CA12: variants seen among roughly 807,000 people sequenced by gnomAD.
The protein encoded by CA12 is carbonate dehydratase XII.
A neutral mutation model predicts 46.8 loss-of-function variants in CA12; 36 were observed. The observed-to-expected ratio is 0.77, with a 90% confidence interval of 0.59 to 1.02. CA12 has a LOEUF of 1.02. Among genes scored for constraint, CA12 ranks in the 50% least tolerant of loss-of-function variants. The probability of loss-of-function intolerance (pLI) is 0.00; values close to 1 mark genes in which losing one functional copy is unlikely to be tolerated. For synonymous variants in CA12, 202 were observed against 187.0 expected (o/e 1.08, Z -0.65); for missense variants, 436 against 451.4 (o/e 0.97, Z 0.31).
rs780769662 is a variant in CA12 at position 63,346,640 on chromosome 15, T to G, written c.176A>C (p.Asp59Ala). ...ATACTGGAGGATGTCACTGTGCAGGTCTATGGGGGACTGCAGCAGGCCCCC... is the reference window on the plus strand; with the variant it reads ...ATACTGGAGGATGTCACTGTGCAGGGCTATGGGGGACTGCAGCAGGCCCCC... ...SCGGLLQSPI[D>A]LHSDILQYDA... The change falls in exon 3 of 11, where the codon GAC becomes GCC. Residue 59 changes from aspartate (D) to alanine (A), a missense_variant. Transcript: ENST00000178638. The G allele has an allele frequency of 9.3e-6, 15 of 1,613,928 alleles. No individual in the cohort carries two copies. The highest frequency in any genetic ancestry group is 1.2e-5 in the Non-Finnish European group (14 of 1,179,934).
Position 63,328,126 on chromosome 15 carries a change from T to C in CA12, c.879A>G (p.Gln293=). The C allele has an allele frequency of 6.2e-7, 1 of 1,613,956 alleles. No homozygotes were observed. The highest frequency in any genetic ancestry group is 8.5e-7 in the Non-Finnish European group (1 of 1,179,930). Residue 293 remains glutamine, a synonymous_variant, in exon 9 of 11, where the codon CAA becomes CAG. Transcript: ENST00000178638. The surrounding 1 kb of genome is among the most constrained non-coding windows in gnomAD (Gnocchi z 5.9). The part of the protein sequence containing the change: ...RLVYTSFSQV[Q]VCTAAGLSLG... ...GACTCAGTCCTGCCGCAGTACAGAC[T>C]TGCACTTAAAAGGGGAGAGGAAAAG... is the stretch of plus-strand genomic sequence containing the variant.
At chr15:63,332,246 A>G (rs994501857) in intron 8 of CA12, among the ~76,000 whole-genome samples, 1 of 152,242 alleles carries the variant, frequency 6.6e-6, no homozygotes, top group Admixed American at 6.5e-5. Flanking sequence ...TGCCCTCACC[A>G]CAGAGTGGAG....
At chr15:63,364,548 G>T (rs774156724) in intron 2 of CA12, among the ~76,000 whole-genome samples, 2 of 152,100 alleles carry the variant, frequency 1.3e-5, no homozygotes, top group Non-Finnish European at 2.9e-5. Flanking sequence ...ACACAAATAC[G>T]CAGATGAACA....
At chr15:63,350,220 G>A (rs1278434470) in intron 2 of CA12, among the ~76,000 whole-genome samples, 1 of 152,170 alleles carries the variant, frequency 6.6e-6, no homozygotes, top group Non-Finnish European at 1.5e-5. Flanking sequence ...GTGCCATGAG[G>A]GTGGGCACCG....
At chr15:63,370,959 T>C (rs1412904447) in intron 2 of CA12, among the ~76,000 whole-genome samples, 2 of 152,094 alleles carry the variant, frequency 1.3e-5, no homozygotes, top group African/African-American at 4.8e-5. Flanking sequence ...GTCTATTAAT[T>C]GCAGGTGCTC....
intron 3 of CA12, 89 bp downstream of exon 3, chr15:63,346,441 A>C: frequency 1.6e-6 from 1 of 640,804 alleles, no homozygotes; most frequent in Non-Finnish European, 2.6e-6. Flanking sequence ...GCTTCCACGG[A>C]ACACCTCCCT....
At chr15:63,367,347 C>G (rs1195998470) in intron 2 of CA12, among the ~76,000 whole-genome samples, 1 of 152,226 alleles carries the variant, frequency 6.6e-6, no homozygotes, top group East Asian at 1.9e-4. Context: ...CTGCCTCATA[C>G]TTGCTTCAAA....
chr15:63,376,548 T>C (rs936275602), intron 1 of CA12, among the ~76,000 whole-genome samples: 1 of 148,674 alleles, frequency 6.7e-6, no homozygotes, highest in Non-Finnish European at 1.5e-5. Flanking sequence ...CCTCCCACTC[T>C]CTTTCTTTCC....
chr15:63,335,233 G>A (rs2038986553), intron 8 of CA12, among the ~76,000 whole-genome samples: 1 of 152,156 alleles, frequency 6.6e-6, no homozygotes, highest in South Asian at 2.1e-4. Flanking sequence ...TCCTGCCTAA[G>A]TTGTCAGTAG....
chr15:63,326,507 T>C (rs574774017), intron 10 of CA12, 150 bp from the exon 11 acceptor site: 5 of 696,594 alleles, frequency 7.2e-6, no homozygotes, highest in Non-Finnish European at 1.3e-5. Flanking sequence ...TGGGAGGGAG[T>C]GTCACCAAAT....
intron 1 of CA12, among the ~76,000 whole-genome samples, chr15:63,380,815 G>T (rs1245048338): frequency 6.6e-6 from 1 of 152,040 alleles, no homozygotes; most frequent in Non-Finnish European, 1.5e-5. Context: ...AATCACTTTC[G>T]GTCCAAAATC....
Position 63,341,637 on chromosome 15 carries a change from G to C in CA12, c.525+365C>G, listed in dbSNP as rs1158194501. Among the ~76,000 whole-genome samples, 1 of 152,220 alleles carries C rather than the reference G, an allele frequency of 6.6e-6. No individual in the cohort carries two copies. The highest frequency in any genetic ancestry group is 1.5e-5 in the Non-Finnish European group (1 of 68,038). On this transcript the variant is annotated intron_variant, in intron 5 of 10. Transcript: ENST00000178638. The surrounding 1 kb of genome is among the most constrained non-coding windows in gnomAD (Gnocchi z 5.2). Reference sequence around the variant, plus strand: ...AGGTCCCTTGGATCTAGAGGAGCTTGGATGGCAGGAGTTGTATCAAGAGTT... The same window carrying C: ...AGGTCCCTTGGATCTAGAGGAGCTTCGATGGCAGGAGTTGTATCAAGAGTT...
chr15:63,348,035 A>G lies in CA12; in HGVS notation c.107-1326T>C, dbSNP rs914607783. ...GGGACCGTATCTGAGAGTGGGAAGA[A>G]TCCGAAGTGATACTTGGTACCCAGG... On this transcript the variant is annotated intron_variant, in intron 2 of 10. Coordinates refer to ENST00000178638, the MANE Select transcript of CA12 (RefSeq NM_001218.5). This position sits in a 1 kb window ranked among gnomAD's most constrained non-coding sequence, Gnocchi z 4.6. 2.6e-5 allele frequency among the ~76,000 whole-genome samples: 4 copies of G among 152,200 alleles called. No individual in the cohort carries two copies. The highest frequency in any genetic ancestry group is 9.7e-5 in the African/African-American group (4 of 41,444).
At chr15:63,362,923 C>A (rs557195988) in intron 2 of CA12, among the ~76,000 whole-genome samples, 2 of 152,304 alleles carry the variant, frequency 1.3e-5, no homozygotes, top group East Asian at 3.9e-4. Flanking sequence ...AGGCATTCGA[C>A]CAACCTGCCA....
At chr15:63,379,378 G>T (rs1231337061) in intron 1 of CA12, among the ~76,000 whole-genome samples, 1 of 151,912 alleles carries the variant, frequency 6.6e-6, no homozygotes, top group Non-Finnish European at 1.5e-5. Context: ...GTATGTGTGC[G>T]TGTGTGTGTG....
intron 2 of CA12, among the ~76,000 whole-genome samples, chr15:63,369,969 C>T (rs2039482656): frequency 6.6e-6 from 1 of 152,154 alleles, no homozygotes; most frequent in Non-Finnish European, 1.5e-5. Flanking sequence ...GCACAAACCC[C>T]AATTCTGCAA....
chr15:63,342,130 TAAGCGA>T, intron 4 of CA12, 33 bp from the exon 5 acceptor site: 2 of 1,332,828 alleles, frequency 1.5e-6, no homozygotes, highest in Non-Finnish European at 1.1e-6. Flanking sequence ...CATTAGGAGA[TAAGCGA>T]CTCATGGGAG....
chr15:63,345,600 C>G lies in CA12; in HGVS notation c.306G>C (p.Ser102=). ...ACTGGAGGCCCTGGATGTGCATGTCCGAGGGCAGGTTCAGCTTCACTGCGG... is the reference window on the plus strand; with the variant it reads ...ACTGGAGGCCCTGGATGTGCATGTCGGAGGGCAGGTTCAGCTTCACTGCGG... The part of the protein sequence containing the change: ...NGHSVKLNLP[S]DMHIQGLQSR... Residue 102 remains serine, a synonymous_variant, in exon 4 of 11, where the codon TCG becomes TCC. Transcript: ENST00000178638. The surrounding 1 kb of genome is among the most constrained non-coding windows in gnomAD (Gnocchi z 4.3). The G allele has an allele frequency of 6.2e-7, 1 of 1,612,940 alleles. No individual in the cohort carries two copies. Among genetic ancestry groups the G allele is most frequent in the Non-Finnish European group, 8.5e-7 (1 of 1,179,984 alleles).
In CA12 at chr15:63,328,880, T is replaced by C. The variant is rs1208652330; in HGVS notation, c.875-750A>G. 6.6e-6 allele frequency among the ~76,000 whole-genome samples: 1 copy of C among 152,136 alleles called. No homozygotes were observed. Among genetic ancestry groups the C allele is most frequent in the Non-Finnish European group, 1.5e-5 (1 of 68,030 alleles). ...AACGCTTGGCTAATTTTTGTATTTTTAGTAGAGATGGGGTTTTGCCATGTT... is the reference window on the plus strand; with the variant it reads ...AACGCTTGGCTAATTTTTGTATTTTCAGTAGAGATGGGGTTTTGCCATGTT... On this transcript the variant is annotated intron_variant, in intron 8 of 10. Transcript: ENST00000178638. This position sits in a 1 kb window ranked among gnomAD's most constrained non-coding sequence, Gnocchi z 5.9.
Sources: gnomAD v4.1 joint callset for allele counts (sites outside exome capture counted in the v4.1 genomes callset) on GRCh38, gnomAD v4.1.1 for gene constraint, Gnocchi (gnomAD v3.1) non-coding constraint, MANE v1.5 for transcripts, NCBI Gene and HGNC (gene_info 2026-07-23, HGNC 2026-07-21) for gene names.